Variants in SCFD2 observed in about 807,000 individuals in gnomAD.
SCFD2 encodes the protein sec1 family domain containing 2.
SCFD2 carries 54 observed loss-of-function variants against 58.9 expected under a neutral mutation model. The observed-to-expected ratio is 0.92, with a 90% CI of 0.74 to 1.15. The LOEUF is 1.15. SCFD2 is among the 50% of genes most tolerant of loss of function. The pLI is 0.00. For synonymous variants in SCFD2, 321 were observed against 335.9 expected (o/e 0.96, Z 0.49); for missense variants, 805 against 836.6 (o/e 0.96, Z 0.47).
chr4:53,140,978 C>A (rs529089727), intron 5 of SCFD2, among the ~76,000 whole-genome samples: 1 of 152,006 alleles, frequency 6.6e-6, no homozygotes, highest in African/African-American at 2.4e-5. Flanking sequence ...AATCATATAC[C>A]CAAAAGATAC....
At chr4:53,159,940 CAA>C (rs1032298603) in intron 4 of SCFD2, among the ~76,000 whole-genome samples, 1 of 152,002 alleles carries the variant, frequency 6.6e-6, no homozygotes, top group Non-Finnish European at 1.5e-5. Context: ...GAGATATGCA[CAA>C]AAAAATGCAC....
intron 6 of SCFD2, among the ~76,000 whole-genome samples, chr4:52,919,831 C>T (rs1719693242): frequency 6.6e-6 from 1 of 152,212 alleles, no homozygotes; most frequent in Non-Finnish European, 1.5e-5. Flanking sequence ...AACATTAGCT[C>T]AAGTCTCCCT....
intron 4 of SCFD2, among the ~76,000 whole-genome samples, chr4:53,165,637 A>G (rs1312122458): frequency 2.0e-5 from 3 of 152,028 alleles, no homozygotes; most frequent in Non-Finnish European, 4.4e-5. Flanking sequence ...ATATTTCTCT[A>G]TAGTCCTTTT....
intron 5 of SCFD2, among the ~76,000 whole-genome samples, chr4:52,979,637 G>T (rs545382760): frequency 7.2e-5 from 11 of 152,194 alleles, no homozygotes; most frequent in Admixed American, 5.2e-4. Flanking sequence ...CACAGTTTGA[G>T]TTAATTGGGA....
intron 4 of SCFD2, among the ~76,000 whole-genome samples, chr4:53,202,788 A>T (rs1004704758): frequency 6.6e-6 from 1 of 152,074 alleles, no homozygotes; most frequent in Non-Finnish European, 1.5e-5. Context: ...CTTTGAAGCA[A>T]TTGTGAATGG....
intron 1 of SCFD2, among the ~76,000 whole-genome samples, chr4:53,357,591 A>G (rs1006898383): frequency 6.6e-6 from 1 of 152,198 alleles, no homozygotes; most frequent in South Asian, 2.1e-4. Flanking sequence ...CCTGGCATGG[A>G]TCTAACACCA....
intron 4 of SCFD2, among the ~76,000 whole-genome samples, chr4:53,186,479 T>TA (rs924797929): frequency 1.3e-5 from 2 of 152,008 alleles, no homozygotes; most frequent in African/African-American, 4.8e-5. Context: ...TTGTTGAACT[T>TA]ACTTATACTA....
chr4:52,917,820 C>T (rs1719643539), intron 6 of SCFD2, among the ~76,000 whole-genome samples: 2 of 152,226 alleles, frequency 1.3e-5, no homozygotes, highest in African/African-American at 4.8e-5. Context: ...ATGGTGTCTA[C>T]TTTCTGCATC....
intron 3 of SCFD2, among the ~76,000 whole-genome samples, chr4:53,311,515 T>A (rs1358140311): frequency 6.6e-6 from 1 of 152,086 alleles, no homozygotes; most frequent in Non-Finnish European, 1.5e-5. Context: ...CTTTTAAGAG[T>A]CCTGAATCGA....
At chr4:53,230,098 C>T (rs527909483) in intron 4 of SCFD2, among the ~76,000 whole-genome samples, 2 of 152,186 alleles carry the variant, frequency 1.3e-5, no homozygotes, top group East Asian at 1.9e-4. Context: ...GTTAGAATGG[C>T]GATCATTAAA....
At chr4:53,346,517 A>T (rs57658931) in intron 2 of SCFD2, among the ~76,000 whole-genome samples, 438 of 151,938 alleles carry the variant, frequency 2.9e-3, no homozygotes, top group African/African-American at 0.01. Flanking sequence ...CAAGTGATCC[A>T]CCTGTCTCGG....
intron 4 of SCFD2, among the ~76,000 whole-genome samples, chr4:53,271,506 A>C (rs943804433): frequency 2.0e-5 from 3 of 150,694 alleles, no homozygotes; most frequent in African/African-American, 7.3e-5. Flanking sequence ...TCTGTCACCC[A>C]GGCTGAAGTG....
intron 5 of SCFD2, among the ~76,000 whole-genome samples, chr4:52,960,435 C>A (rs1310449597): frequency 1.3e-5 from 2 of 149,790 alleles, no homozygotes; most frequent in Admixed American, 1.3e-4. Flanking sequence ...ATGGCGCGAT[C>A]TTGGCTCACC....
At chr4:53,023,236 T>G (rs1330918964) in intron 5 of SCFD2, among the ~76,000 whole-genome samples, 4 of 152,212 alleles carry the variant, frequency 2.6e-5, no homozygotes, top group Non-Finnish European at 1.5e-5. Context: ...GATTTGAATT[T>G]GCTCCCCCAA....
At chr4:53,027,309 G>C (rs1241412475) in intron 5 of SCFD2, among the ~76,000 whole-genome samples, 1 of 151,860 alleles carries the variant, frequency 6.6e-6, no homozygotes, top group Non-Finnish European at 1.5e-5. Flanking sequence ...AACTGGTCCA[G>C]CTCTGAAGTG....
At chr4:52,986,488 GA>G (rs1178159209) in intron 5 of SCFD2, among the ~76,000 whole-genome samples, 33 of 131,558 alleles carry the variant, frequency 2.5e-4, no homozygotes, top group African/African-American at 9.3e-4. Context: ...GGATCTTCAT[GA>G]AATTTTTTTT....
chr4:53,331,328 T>C (rs9759306), intron 2 of SCFD2, among the ~76,000 whole-genome samples: 66,237 of 150,326 alleles, frequency 0.44, 16,029 homozygotes, highest in Non-Finnish European at 0.53. Context: ...TATTCCAAAA[T>C]TGACCACATA....
chr4:53,182,181 GC>G (rs1348070630), intron 4 of SCFD2, among the ~76,000 whole-genome samples: 2 of 152,144 alleles, frequency 1.3e-5, no homozygotes, highest in East Asian at 3.9e-4. Context: ...CCAAAAAAGA[GC>G]CCACACTGCC....
At chr4:53,343,764 T>A (rs1733965139) in intron 2 of SCFD2, among the ~76,000 whole-genome samples, 1 of 152,196 alleles carries the variant, frequency 6.6e-6, no homozygotes, top group Non-Finnish European at 1.5e-5. Flanking sequence ...CATCATCAAG[T>A]GGGCTTCATC....
Sources: gnomAD v4.1 joint callset for allele counts (sites outside exome capture counted in the v4.1 genomes callset) on GRCh38, gnomAD v4.1.1 for gene constraint, MANE v1.5 for transcripts, NCBI Gene and HGNC (gene_info 2026-07-23, HGNC 2026-07-21) for gene names.